The following ADAMTS16 variants were observed in gnomAD, a reference collection of about 807,000 sequenced individuals.
ADAMTS16 encodes the protein A disintegrin and metalloproteinase with thrombospondin motifs 16.
A neutral mutation model predicts 145.8 loss-of-function variants in ADAMTS16; 94 were observed. The observed-to-expected ratio is 0.64, with a 90% CI of 0.55 to 0.77. ADAMTS16 has a LOEUF of 0.77. Among genes scored for constraint, ADAMTS16 ranks in the 30% least tolerant of loss-of-function variants. ADAMTS16 has a pLI of 0.00. For synonymous variants in ADAMTS16, 659 were observed against 604.3 expected, an observed-to-expected ratio of 1.09 and a Z score of -1.33; for missense variants, 1,585 against 1,591.5, an observed-to-expected ratio of 1.00 and a Z score of 0.07.
chr5:5,140,342 G>C lies in ADAMTS16; in HGVS notation c.-126G>C. 2.1e-6 allele frequency: 2 copies of C among 971,162 alleles called. No homozygotes were observed. The highest frequency in any genetic ancestry group is 2.0e-5 in the South Asian group (1 of 49,294). 60.2% of individuals were successfully genotyped at this position (971,162 alleles called of 1,614,324 possible). A position where few individuals can be genotyped will look rare whatever the true frequency, so the allele number is the denominator to read the frequency against. ...CGCACGGAGCTTCAGTAATAACCCCGGCGCGGCGGCGGAGTCGCTGTGGGG... is the reference window on the plus strand; with the variant it reads ...CGCACGGAGCTTCAGTAATAACCCCCGCGCGGCGGCGGAGTCGCTGTGGGG... On this transcript the variant is annotated 5_prime_UTR_variant, in exon 1 of 23. Coordinates refer to ENST00000274181, the MANE Select transcript of ADAMTS16 (RefSeq NM_139056.4).
At chr5:5,305,768 C>T (rs1740120672) in intron 20 of ADAMTS16, among the ~76,000 whole-genome samples, 1 of 152,210 alleles carries the variant, frequency 6.6e-6, no homozygotes, top group African/African-American at 2.4e-5. Context: ...TGGAGCTGCA[C>T]AGCATCGTCC....
At chr5:5,164,022 A>G in intron 3 of ADAMTS16, among the ~76,000 whole-genome samples, 1 of 152,098 alleles carries the variant, frequency 6.6e-6, no homozygotes, top group East Asian at 1.9e-4. Flanking sequence ...CCCCACCCAC[A>G]CCGGCTGAGG....
intron 18 of ADAMTS16, among the ~76,000 whole-genome samples, chr5:5,278,258 T>C (rs1738775286): frequency 6.6e-6 from 1 of 152,244 alleles, no homozygotes; most frequent in African/African-American, 2.4e-5. Context: ...TTCTCCATTC[T>C]GGTATTCTGA....
At position 5,310,874 on chromosome 5, in the gene ADAMTS16, T is replaced by G. The variant is rs1434189584; in HGVS notation, c.3411+4146T>G. ...ATTTGTGTCCTTGTCTCATTTTGTC[T>G]GTTCCTGACCCCAGAGAGGGTCAGC... On this transcript the variant is annotated intron_variant, in intron 21 of 22. Transcript: ENST00000274181. The surrounding 1 kb of genome is among the most constrained non-coding windows in gnomAD (Gnocchi z 4.3). Among the ~76,000 whole-genome samples the G allele has an allele frequency of 6.6e-6, 1 of 152,222 alleles. No individual in the cohort carries two copies. The highest frequency in any genetic ancestry group is 1.5e-5 in the Non-Finnish European group (1 of 68,044).
chr5:5,163,815 C>T (rs921574680), intron 3 of ADAMTS16, among the ~76,000 whole-genome samples: 1 of 152,160 alleles, frequency 6.6e-6, no homozygotes, highest in East Asian at 1.9e-4. Context: ...CCTAGCAGTC[C>T]TTTGGATATG....
chr5:5,180,817 A>G (rs1401770323), intron 3 of ADAMTS16, among the ~76,000 whole-genome samples: 1 of 152,222 alleles, frequency 6.6e-6, no homozygotes, highest in African/African-American at 2.4e-5. Context: ...GAATCATTCT[A>G]CATCTCTATT....
In ADAMTS16 at chr5:5,239,942, TGATTTTGGGGCTTG is replaced by T. The variant is rs753816044; in HGVS notation, c.2523+28_2523+41del. On this transcript the variant is annotated intron_variant, in intron 16 of 22. Coordinates refer to ENST00000274181, the MANE Select transcript of ADAMTS16 (RefSeq NM_139056.4). Reference sequence around the variant, plus strand: ...ATTGTGGAGGTAAAGTCCAGCCTCTTGATTTTGGGGCTTGGATTTTGGGGGTGTTCTGGTGTCTG... The same window carrying T: ...ATTGTGGAGGTAAAGTCCAGCCTCTTGATTTTGGGGGTGTTCTGGTGTCTG... 1 of 1,611,752 alleles carries T rather than the reference TGATTTTGGGGCTTG, an allele frequency of 6.2e-7. No individual in the cohort carries two copies.
chr5:5,190,092 A>G lies in ADAMTS16; in HGVS notation c.1169A>G (p.Asp390Gly), dbSNP rs756629788. Residue 390 changes from aspartate to glycine, a missense_variant, in exon 7 of 23, where the codon GAT (aspartate) becomes GGT (glycine). Coordinates refer to ENST00000274181, the MANE Select transcript of ADAMTS16 (RefSeq NM_139056.4). ...HDHAILLTGL[D>G]ICSWKNEPCD... ...CACGCCATCTTACTGACTGGTCTGG[A>G]TATATGTTCCTGGAAGAATGAGCCC... The G allele has an allele frequency of 1.2e-6, 2 of 1,608,416 alleles. No homozygotes were observed. Among genetic ancestry groups the G allele is most frequent in the South Asian group, 1.1e-5 (1 of 89,804 alleles).
At chr5:5,219,115 C>T (rs1736521200) in intron 10 of ADAMTS16, among the ~76,000 whole-genome samples, 2 of 151,904 alleles carry the variant, frequency 1.3e-5, no homozygotes, top group Admixed American at 1.3e-4. Flanking sequence ...CCAGGGACCC[C>T]CCCTTCTCTA....
chr5:5,213,639 G>C (rs1417387269), intron 10 of ADAMTS16, among the ~76,000 whole-genome samples: 1 of 151,982 alleles, frequency 6.6e-6, no homozygotes, highest in Non-Finnish European at 1.5e-5. Flanking sequence ...GTTTTCTCTG[G>C]GCCCTGTGGT....
In ADAMTS16 at chr5:5,200,179, A is replaced by C; in HGVS notation, c.1361A>C (p.Glu454Ala). 6.2e-7 allele frequency: 1 copy of C among 1,614,024 alleles called. No individual in the cohort carries two copies. Among genetic ancestry groups the C allele is most frequent in the South Asian group, 1.1e-5 (1 of 91,058 alleles). The change falls in exon 9 of 23, where the codon GAG becomes GCG. Residue 454 changes from glutamate (E) to alanine (A), a missense_variant. Glu to Ala is a moderately radical substitution (Grantham distance 107). Transcript: ENST00000274181. ...DGEGNMCKKSEGNIMSPTLAG... is the reference protein window; with the variant it reads ...DGEGNMCKKSAGNIMSPTLAG... ...GAAGGGAACATGTGCAAAAAGTCCG[A>C]GGGCAACATCATGTCCCCTACATTG...
chr5:5,186,819 C>T (rs1735515397), intron 5 of ADAMTS16, among the ~76,000 whole-genome samples: 1 of 152,224 alleles, frequency 6.6e-6, no homozygotes, highest in South Asian at 2.1e-4. Flanking sequence ...TAAGTGAAAT[C>T]TAAATAACAG....
chr5:5,161,397 T>C (rs1244298723), intron 3 of ADAMTS16, among the ~76,000 whole-genome samples: 3 of 152,184 alleles, frequency 2.0e-5, no homozygotes, highest in African/African-American at 7.2e-5. Context: ...CCTTTGTCAA[T>C]GGTGTGGCTG....
At chr5:5,192,222 T>G (rs1174785987) in intron 8 of ADAMTS16, among the ~76,000 whole-genome samples, 1 of 152,144 alleles carries the variant, frequency 6.6e-6, no homozygotes. Context: ...GCCACAGCAA[T>G]GCACAAGTTT....
At chr5:5,147,036 AC>A (rs1734317613) in intron 3 of ADAMTS16, among the ~76,000 whole-genome samples, 1 of 152,144 alleles carries the variant, frequency 6.6e-6, no homozygotes, top group Non-Finnish European at 1.5e-5. Context: ...ATGGCACATC[AC>A]TTCAATGCTT....
intron 18 of ADAMTS16, among the ~76,000 whole-genome samples, chr5:5,279,855 G>A (rs976721443): frequency 1.6e-4 from 24 of 151,798 alleles, no homozygotes; most frequent in Admixed American, 1.2e-3. Flanking sequence ...AGATACTAGA[G>A]TTGTTTATTT....
intron 3 of ADAMTS16, among the ~76,000 whole-genome samples, chr5:5,170,657 C>T (rs1047072937): frequency 6.6e-6 from 1 of 152,156 alleles, no homozygotes; most frequent in Non-Finnish European, 1.5e-5. Context: ...GGATTACAAG[C>T]GTGAGCCACC....
intron 3 of ADAMTS16, among the ~76,000 whole-genome samples, chr5:5,157,395 T>C (rs1734628953): frequency 6.8e-6 from 1 of 146,144 alleles, no homozygotes; most frequent in South Asian, 2.4e-4. Flanking sequence ...AAAATAAGCC[T>C]CTCTGGGATA....
At chr5:5,142,130 C>T (rs1474601243) in intron 2 of ADAMTS16, 1 of 150,820 alleles carries the variant, frequency 6.6e-6, no homozygotes, top group Non-Finnish European at 1.5e-5. Flanking sequence ...AGGAGATTTC[C>T]ACAATAGTTT....
Sources: gnomAD v4.1 joint callset for allele counts (sites outside exome capture counted in the v4.1 genomes callset) on GRCh38, gnomAD v4.1.1 for gene constraint, Gnocchi (gnomAD v3.1) non-coding constraint, MANE v1.5 for transcripts, NCBI Gene and HGNC (gene_info 2026-07-23, HGNC 2026-07-21) for gene names.